LRBA: variants seen among roughly 807,000 people sequenced by gnomAD.
LRBA encodes the protein lipopolysaccharide-responsive and beige-like anchor protein.
LRBA carries 176 observed loss-of-function variants against 330.0 expected under a neutral mutation model. The observed-to-expected ratio is 0.53, with a 90% CI of 0.47 to 0.60. The LOEUF (loss-of-function observed/expected upper bound fraction) is 0.60, where lower values mean the gene tolerates loss of function less well. Ranked by LOEUF, LRBA falls within the 20% of genes least tolerant of loss-of-function variation. The pLI is 0.00. For missense variants in LRBA, 3,259 were observed against 3,444.8 expected, an observed-to-expected ratio of 0.95 and a Z score of 1.35; for synonymous variants, 1,230 against 1,193.0, an observed-to-expected ratio of 1.03 and a Z score of -0.64.
rs547406264 is a variant in LRBA, at chr4:150,869,619, C to T, written c.2449+906G>A. 2.4e-3 allele frequency among the ~76,000 whole-genome samples: 362 copies of T among 152,174 alleles called. 9 individuals are homozygous for T. The highest frequency in any genetic ancestry group is 5.7e-4 in the Non-Finnish European group (39 of 68,004). On this transcript the variant is annotated intron_variant, in intron 20 of 56. Transcript: ENST00000651943. ...CAGGAGAATCACTTGAACCAGGAGG[C>T]AGAGGTTACAGTGGCTGAGATCCTG...
intron 37 of LRBA, among the ~76,000 whole-genome samples, chr4:150,675,790 T>C (rs28544421): frequency 0.088 from 13,365 of 152,148 alleles, 1,032 homozygotes; most frequent in African/African-American, 0.2. Flanking sequence ...CAAAATTAAT[T>C]GCTCAGTAAG....
intron 40 of LRBA, among the ~76,000 whole-genome samples, chr4:150,539,128 A>G (rs1765031796): frequency 6.6e-6 from 1 of 152,050 alleles, no homozygotes; most frequent in South Asian, 2.1e-4. Flanking sequence ...GGCACGCACC[A>G]CCATGCCCGG....
chr4:150,797,721 G>A (rs1001311312), intron 34 of LRBA, among the ~76,000 whole-genome samples: 7 of 151,934 alleles, frequency 4.6e-5, no homozygotes, highest in African/African-American at 4.8e-5. Flanking sequence ...GCACAAAATG[G>A]AAGTAAACCC....
At chr4:150,617,326 A>G (rs1050942752) in intron 37 of LRBA, among the ~76,000 whole-genome samples, 1 of 152,226 alleles carries the variant, frequency 6.6e-6, no homozygotes, top group Non-Finnish European at 1.5e-5. Context: ...AGACATTTAA[A>G]ATCTAGACTT....
chr4:150,793,840 G>A (rs1347166448), intron 34 of LRBA, among the ~76,000 whole-genome samples: 1 of 152,106 alleles, frequency 6.6e-6, no homozygotes, highest in Non-Finnish European at 1.5e-5. Context: ...TATTCACTAA[G>A]CCATAATGTG....
rs754093056 is a variant in LRBA, at chr4:150,806,385, G to C, written c.5404C>G (p.His1802Asp). ...SNMSITERLE[H>D]ALEKAAPLLR... is the part of the protein sequence containing the mutation. ...AGAGGAGCTGCCTTTTCCAAAGCGT[G>C]TTCAAGCCTCTCTGTAATACTAAGG... Residue 1802 changes from histidine (H) to aspartate (D), a missense_variant, in exon 33 of 57, where the codon CAC becomes GAC. Physicochemically the swap from His to Asp is moderately conservative, Grantham distance 81. Coordinates refer to ENST00000651943, the MANE Select transcript of LRBA (RefSeq NM_001364905.1). 6.2e-7 allele frequency: 1 copy of C among 1,606,692 alleles called. No individual in the cohort carries two copies. Among genetic ancestry groups the C allele is most frequent in the Non-Finnish European group, 8.5e-7 (1 of 1,177,106 alleles).
At chr4:150,504,629 C>T (rs2152121677) in intron 40 of LRBA, among the ~76,000 whole-genome samples, 1 of 152,306 alleles carries the variant, frequency 6.6e-6, no homozygotes, top group African/African-American at 2.4e-5. Context: ...GTACCAGCCA[C>T]TGCAAAAACA....
intron 37 of LRBA, among the ~76,000 whole-genome samples, chr4:150,646,636 A>C (rs1046885745): frequency 6.6e-6 from 1 of 152,140 alleles, no homozygotes; most frequent in African/African-American, 2.4e-5. Flanking sequence ...AACAATGTCT[A>C]ATCAGGTAGG....
At chr4:150,740,308 C>T (rs1004074403) in intron 35 of LRBA, among the ~76,000 whole-genome samples, 2 of 151,816 alleles carry the variant, frequency 1.3e-5, no homozygotes, top group Admixed American at 6.6e-5. Flanking sequence ...AGAAAAAGAA[C>T]AGCCAGTGAA....
At chr4:150,775,477 ACACACACACACACACACACACAC>A (rs1560800101) in intron 34 of LRBA, among the ~76,000 whole-genome samples, 3 of 151,252 alleles carry the variant, frequency 2.0e-5, no homozygotes, top group African/African-American at 4.9e-5. Flanking sequence ...ACACACACAC[ACACACACACACACACACACACAC>A]ACAGTGATTG....
At chr4:150,917,154 A>G (rs1732718409) in intron 5 of LRBA, among the ~76,000 whole-genome samples, 1 of 138,298 alleles carries the variant, frequency 7.2e-6, no homozygotes, top group Non-Finnish European at 1.5e-5. Context: ...CTCCATCTCA[A>G]AAAAAAAAAT....
chr4:150,659,951 G>T (rs1581960830), intron 37 of LRBA, among the ~76,000 whole-genome samples: 1 of 26,612 alleles, frequency 3.8e-5, no homozygotes. Flanking sequence ...GGAGGGAGGT[G>T]GGGGGGTCAG....
At chr4:150,786,916 G>A (rs1367497606) in intron 34 of LRBA, among the ~76,000 whole-genome samples, 2 of 152,116 alleles carry the variant, frequency 1.3e-5, no homozygotes, top group Non-Finnish European at 2.9e-5. Flanking sequence ...TAAATGAAGA[G>A]GATTTTGAGT....
chr4:150,727,235 A>T (rs1243036448), intron 36 of LRBA, among the ~76,000 whole-genome samples: 1 of 151,816 alleles, frequency 6.6e-6, no homozygotes, highest in Admixed American at 6.6e-5. Flanking sequence ...CACCACACTC[A>T]GCTAATTTTT....
chr4:150,731,679 T>G (rs756296244), intron 36 of LRBA, among the ~76,000 whole-genome samples: 3 of 152,160 alleles, frequency 2.0e-5, no homozygotes, highest in Non-Finnish European at 4.4e-5. Context: ...AGAAGGATGG[T>G]TACCAGAGGC....
At chr4:150,631,229 T>A (rs1458180470) in intron 37 of LRBA, among the ~76,000 whole-genome samples, 3 of 152,070 alleles carry the variant, frequency 2.0e-5, no homozygotes, top group East Asian at 3.9e-4. Context: ...ATCTATCTTA[T>A]AAGGTAATTT....
chr4:150,783,337 G>A (rs1384565704), intron 34 of LRBA, among the ~76,000 whole-genome samples: 3 of 152,208 alleles, frequency 2.0e-5, no homozygotes, highest in South Asian at 2.1e-4. Context: ...ATAGCGTACC[G>A]TTCCAATGGA....
At chr4:150,339,103 C>T (rs1240357962) in intron 48 of LRBA, among the ~76,000 whole-genome samples, 1 of 151,966 alleles carries the variant, frequency 6.6e-6, no homozygotes, top group Non-Finnish European at 1.5e-5. Context: ...AAGATATTTT[C>T]CCTGAAAGTA....
intron 28 of LRBA, among the ~76,000 whole-genome samples, chr4:150,843,366 G>A (rs1419971742): frequency 6.6e-6 from 1 of 152,078 alleles, no homozygotes; most frequent in East Asian, 1.9e-4. Flanking sequence ...TACAGTAAGT[G>A]TTCAACAAAT....
Sources: allele counts gnomAD v4.1 joint callset (sites outside exome capture counted in the v4.1 genomes callset), GRCh38; gene constraint gnomAD v4.1.1; transcripts MANE v1.5; gene names NCBI Gene and HGNC (gene_info 2026-07-23, HGNC 2026-07-21).